DOCK2: variants seen among roughly 807,000 people sequenced by gnomAD.
DOCK2 encodes the protein dedicator of cytokinesis 2.
In DOCK2, 87 loss-of-function variants were observed where a neutral mutation model predicts 248.9. The ratio of observed to expected loss-of-function variants is 0.35; its 90% CI spans 0.29 to 0.42. DOCK2 has a LOEUF of 0.42. Among genes scored for constraint, DOCK2 ranks in the 10% least tolerant of loss-of-function variants. The pLI, the probability that DOCK2 is intolerant of heterozygous loss-of-function variation, is 1.00. For missense variants in DOCK2, 1,747 were observed against 2,300.2 expected, an observed-to-expected ratio of 0.76 and a Z score of 4.92; for synonymous variants, 805 against 821.6, an observed-to-expected ratio of 0.98 and a Z score of 0.35.
intron 27 of DOCK2, chr5:169,883,990 A>G (rs1467876679): frequency 1.8e-5 from 22 of 1,248,934 alleles, no homozygotes; most frequent in Admixed American, 3.0e-5. Flanking sequence ...TAGTATTTCA[A>G]TCATAGAGAA....
At chr5:170,034,597 G>A (rs377140093) in intron 35 of DOCK2, 42 bp downstream of exon 35, 26 of 1,606,980 alleles carry the variant, frequency 1.6e-5, no homozygotes, top group African/African-American at 1.1e-4. Context: ...AGAACCCTGT[G>A]GGGGGGCTTG....
At position 169,969,998 on chromosome 5, in the gene DOCK2, G is replaced by A. The variant is rs76301125; in HGVS notation, c.2800-13070G>A. Among the ~76,000 whole-genome samples the A allele has an allele frequency of 1.6e-4, 25 of 152,358 alleles. No individual in the cohort carries two copies. The East Asian group carries it at 4.4e-3, about 27-fold the overall frequency. Reference sequence around the variant, plus strand: ...GATGCTGGTCAAACCAAGCATTTCTGTGGGCTATGTGAGGCCTACAGGCTG... The same window carrying A: ...GATGCTGGTCAAACCAAGCATTTCTATGGGCTATGTGAGGCCTACAGGCTG... On this transcript the variant is annotated intron_variant, in intron 27 of 51. Coordinates refer to ENST00000520908, the MANE Select transcript of DOCK2 (RefSeq NM_004946.3).
At chr5:169,832,489 C>T (rs968206151) in intron 26 of DOCK2, among the ~76,000 whole-genome samples, 3 of 152,194 alleles carry the variant, frequency 2.0e-5, no homozygotes, top group Admixed American at 6.5e-5. Flanking sequence ...GCCTCCCCTT[C>T]GCTGAGCTGT....
intron 14 of DOCK2, among the ~76,000 whole-genome samples, chr5:169,706,351 A>T (rs1265628548): frequency 1.3e-5 from 2 of 152,250 alleles, no homozygotes; most frequent in Non-Finnish European, 2.9e-5. Flanking sequence ...GCTGGAAGGC[A>T]TCTAGGTTCT....
intron 26 of DOCK2, among the ~76,000 whole-genome samples, chr5:169,823,473 A>G (rs930054227): frequency 6.6e-6 from 1 of 152,234 alleles, no homozygotes; most frequent in Admixed American, 6.5e-5. Context: ...AATATACGCA[A>G]GTCAATAAAT....
chr5:169,807,833 C>CAAAAAAAAAAA (rs61670398), intron 26 of DOCK2, among the ~76,000 whole-genome samples: 18 of 24,232 alleles, frequency 7.4e-4, no homozygotes, highest in South Asian at 6.1e-3. Flanking sequence ...GACTCTGTCT[C>CAAAAAAAAAAA]AAAAAAAAAA....
chr5:169,746,495 A>G (rs1215306713), intron 22 of DOCK2, among the ~76,000 whole-genome samples: 1 of 152,132 alleles, frequency 6.6e-6, no homozygotes, highest in Non-Finnish European at 1.5e-5. Flanking sequence ...TAGGGCTGTG[A>G]CAGGAGAGAC....
At chr5:169,972,810 C>A (rs1380757698) in intron 27 of DOCK2, among the ~76,000 whole-genome samples, 1 of 152,186 alleles carries the variant, frequency 6.6e-6, no homozygotes, top group Non-Finnish European at 1.5e-5. Context: ...CCAATGTGGA[C>A]TAAGAATTAC....
intron 26 of DOCK2, among the ~76,000 whole-genome samples, chr5:169,804,489 C>T (rs5007551): frequency 0.058 from 4,344 of 74,386 alleles, 84 homozygotes; most frequent in East Asian, 0.13. Context: ...TGTGTGTGCG[C>T]GCGCGCGTGC....
At chr5:170,020,162 G>C (rs913567249) in intron 33 of DOCK2, among the ~76,000 whole-genome samples, 9 of 151,974 alleles carry the variant, frequency 5.9e-5, no homozygotes, top group Non-Finnish European at 1.2e-4. Flanking sequence ...AACTCTCCCC[G>C]CCTTACCTCT....
At chr5:169,746,634 C>T (rs146597426) in intron 22 of DOCK2, among the ~76,000 whole-genome samples, 9 of 152,316 alleles carry the variant, frequency 5.9e-5, no homozygotes, top group African/African-American at 1.9e-4. Flanking sequence ...CAGAGCAACA[C>T]TCCTAAGGCT....
intron 42 of DOCK2, 58 bp downstream of exon 42, chr5:170,055,444 A>T: frequency 1.2e-5 from 18 of 1,521,960 alleles, no homozygotes; most frequent in Non-Finnish European, 1.6e-5. Flanking sequence ...TGGGGCCACC[A>T]AACTGAGCTG....
intron 33 of DOCK2, among the ~76,000 whole-genome samples, chr5:170,022,207 G>A (rs1474607716): frequency 6.6e-6 from 1 of 152,134 alleles, no homozygotes; most frequent in Non-Finnish European, 1.5e-5. Flanking sequence ...TTACTTTTTG[G>A]GAAAGGCTTT....
intron 27 of DOCK2, among the ~76,000 whole-genome samples, chr5:169,890,210 G>A (rs923425873): frequency 2.0e-5 from 3 of 152,194 alleles, no homozygotes; most frequent in African/African-American, 7.2e-5. Context: ...ATTACTTTAT[G>A]TGTTAGTCCT....
rs577395351 is a variant in DOCK2, at chr5:169,956,039, G to GAAA, written c.2800-27017_2800-27015dup. ...TCAAATGTGGGGGAGACATAGATTT[G>GAAA]AAAAAAAAAAAAAAGAGCCCAGGCT... On this transcript the variant is annotated intron_variant, in intron 27 of 51. Transcript: ENST00000520908. Among the ~76,000 whole-genome samples the GAAA allele has an allele frequency of 1.8e-3, 236 of 132,904 alleles. 4 individuals are homozygous for GAAA. In the South Asian group the frequency reaches 0.047, roughly 26 times the overall value. The allele number at this position is 132,904 out of a possible 152,430, so 87.2% of individuals were successfully genotyped here.
intron 17 of DOCK2, 112 bp from the exon 18 acceptor site, chr5:169,713,916 T>C: frequency 8.2e-7 from 1 of 1,220,574 alleles, no homozygotes; most frequent in South Asian, 2.1e-5. Flanking sequence ...ATGATTTTCT[T>C]CACTCTTTAT....
At chr5:169,722,323 GCTC>G (rs1245124741) in intron 22 of DOCK2, among the ~76,000 whole-genome samples, 1 of 152,190 alleles carries the variant, frequency 6.6e-6, no homozygotes, top group African/African-American at 2.4e-5. Flanking sequence ...ACACTAAGCA[GCTC>G]CCTGTCCTAC....
At position 169,702,149 on chromosome 5, in the gene DOCK2, A is replaced by G; in HGVS notation, c.1259-154A>G. 3 of 876,384 alleles carry G rather than the reference A, an allele frequency of 3.4e-6. No homozygotes were observed. The East Asian group carries it at 9.2e-5, about 27-fold the overall frequency. 54.3% of individuals were successfully genotyped at this position (876,384 alleles called of 1,614,324 possible). A position where few individuals can be genotyped will look rare whatever the true frequency, so the allele number is the denominator to read the frequency against. The stretch of plus-strand genomic sequence containing the variant: ...GTTACCTACTTCTCCAGCCTCCCTG[A>G]TGAGGGAAAAATGCTTTCTCTAAGC... On this transcript the variant is annotated intron_variant, in intron 13 of 51. Transcript: ENST00000520908.
Position 169,695,710 on chromosome 5 carries a change from A to C in DOCK2, c.844-93A>C, listed in dbSNP as rs187763893. On this transcript the variant is annotated intron_variant, in intron 9 of 51. Transcript: ENST00000520908. ...TCCATGTATAGCAAGTATTATATAC[A>C]TCCCTCAGAAATTACTATTACTGGG... 65 of 1,560,196 alleles carry C rather than the reference A, an allele frequency of 4.2e-5. No homozygotes were observed. The Middle Eastern group carries it at 5.1e-4, about 12-fold the overall frequency.
Sources: allele counts gnomAD v4.1 joint callset (sites outside exome capture counted in the v4.1 genomes callset), GRCh38; gene constraint gnomAD v4.1.1; transcripts MANE v1.5; gene names NCBI Gene and HGNC (gene_info 2026-07-23, HGNC 2026-07-21).